DLC1: variants seen among roughly 807,000 people sequenced by gnomAD.
The protein encoded by DLC1 is rho GTPase-activating protein 7.
DLC1 carries 54 observed loss-of-function variants against 140.3 expected under a neutral mutation model. The ratio of observed to expected loss-of-function variants is 0.38; its 90% CI spans 0.31 to 0.48. The LOEUF (loss-of-function observed/expected upper bound fraction) is 0.48, where lower values mean the gene tolerates loss of function less well. Ranked by LOEUF, DLC1 falls within the 20% of genes least tolerant of loss-of-function variation. The probability of loss-of-function intolerance (pLI) is 0.96; values close to 1 mark genes in which losing one functional copy is unlikely to be tolerated. For synonymous variants in DLC1, 986 were observed against 728.1 expected (o/e 1.35, Z -5.70); for missense variants, 2,536 against 1,907.0 (o/e 1.33, Z -6.14).
intron 10 of DLC1, among the ~76,000 whole-genome samples, chr8:13,097,454 G>C (rs577395093): frequency 3.9e-5 from 6 of 152,052 alleles, no homozygotes; most frequent in Non-Finnish European, 7.4e-5. Flanking sequence ...AGTAGAGATG[G>C]GGTTTCGCCA....
intron 1 of DLC1, among the ~76,000 whole-genome samples, chr8:13,586,611 A>G (rs939883822): frequency 4.0e-5 from 6 of 151,674 alleles, no homozygotes; most frequent in African/African-American, 1.5e-4. Context: ...ACACACACAC[A>G]CACACACACA....
chr8:13,333,964 C>G (rs1586155406), intron 4 of DLC1, among the ~76,000 whole-genome samples: 1 of 152,170 alleles, frequency 6.6e-6, no homozygotes, highest in Non-Finnish European at 1.5e-5. Context: ...AGCCCCTTTG[C>G]TCATGAGGCT....
chr8:13,523,057 T>C (rs1802809808), intron 1 of DLC1, among the ~76,000 whole-genome samples: 1 of 152,218 alleles, frequency 6.6e-6, no homozygotes, highest in South Asian at 2.1e-4. Context: ...AAGTAAGCAG[T>C]TTCAATTTCA....
At chr8:13,381,458 T>A (rs1176271914) in intron 4 of DLC1, among the ~76,000 whole-genome samples, 1 of 152,170 alleles carries the variant, frequency 6.6e-6, no homozygotes, top group African/African-American at 2.4e-5. Flanking sequence ...TCACATTGAT[T>A]AGGATAGGTT....
rs759911909 is a variant in DLC1, at chr8:13,450,452, CAAAAAAAAAAA to C, written c.1023+48586_1023+48596del. 7.8e-3 allele frequency among the ~76,000 whole-genome samples: 419 copies of C among 53,378 alleles called. 1 individual carries two copies. The highest frequency in any genetic ancestry group is 0.031 in the African/African-American group (411 of 13,252). 35.0% of individuals were successfully genotyped at this position (53,378 alleles called of 152,430 possible). On this transcript the variant is annotated intron_variant, in intron 2 of 17. Coordinates refer to ENST00000276297, the MANE Select transcript of DLC1 (RefSeq NM_182643.3). The stretch of plus-strand genomic sequence containing the variant: ...CCTGGGCAACAGAGTGAGACTGTCT[CAAAAAAAAAAA>C]AAAAAAAAAAAAGGCCGAAGAGAAA...
At chr8:13,209,735 G>A (rs979637787) in intron 5 of DLC1, among the ~76,000 whole-genome samples, 8 of 152,034 alleles carry the variant, frequency 5.3e-5, no homozygotes, top group Admixed American at 2.6e-4. Flanking sequence ...CCTCCCTCCT[G>A]TCTCTCTTGC....
At chr8:13,422,030 TAGTAATTCTTTGGTTATCAATTGTATA>T (rs1464860953) in intron 2 of DLC1, among the ~76,000 whole-genome samples, 7 of 152,168 alleles carry the variant, frequency 4.6e-5, no homozygotes, top group African/African-American at 1.7e-4. Context: ...CCATCATGAA[TAGTAATTCTTTGGTTATCAATTGTATA>T]AGTACAAATA....
chr8:13,408,076 G>A (rs1837641230), intron 2 of DLC1, among the ~76,000 whole-genome samples: 1 of 151,990 alleles, frequency 6.6e-6, no homozygotes, highest in Admixed American at 6.6e-5. Context: ...AGAATTTCTA[G>A]GCAAGTTAAA....
At chr8:13,409,191 A>G (rs373894350) in intron 2 of DLC1, among the ~76,000 whole-genome samples, 3 of 152,126 alleles carry the variant, frequency 2.0e-5, no homozygotes, top group Non-Finnish European at 2.9e-5. Flanking sequence ...TTAATATTTT[A>G]TAGCTGCATT....
chr8:13,575,326 C>G (rs1346893073), intron 1 of DLC1, among the ~76,000 whole-genome samples: 1 of 151,966 alleles, frequency 6.6e-6, no homozygotes, highest in Non-Finnish European at 1.5e-5. Flanking sequence ...GGTTTATTTA[C>G]TTACGTAATG....
chr8:13,098,485 C>A lies in DLC1; in HGVS notation c.3081G>T (p.Gln1027His), dbSNP rs1156678537. 6.2e-7 allele frequency: 1 copy of A among 1,614,208 alleles called. No homozygotes were observed. The highest frequency in any genetic ancestry group is 1.7e-5 in the Admixed American group (1 of 60,034). ...SLQINCQSVA[Q>H]MNLLQKYSLL... ...GTGAGTATTTCTGCAGCAGGTTCAT[C>A]TGGGCCACAGACTGGCAGTTAATCT... Residue 1027 changes from glutamine (Q) to histidine (H), a missense_variant, in exon 10 of 18, where the codon CAG becomes CAT. Coordinates refer to ENST00000276297, the MANE Select transcript of DLC1 (RefSeq NM_182643.3).
At chr8:13,278,248 A>G (rs1831246094) in intron 5 of DLC1, among the ~76,000 whole-genome samples, 1 of 152,222 alleles carries the variant, frequency 6.6e-6, no homozygotes. Flanking sequence ...CCTCTATTAA[A>G]GATTTTCAGA....
intron 1 of DLC1, among the ~76,000 whole-genome samples, chr8:13,523,543 G>T (rs147953621): frequency 8.1e-4 from 123 of 152,266 alleles, no homozygotes; most frequent in African/African-American, 2.9e-3. Flanking sequence ...ATACATTTGG[G>T]AATCTCAAAC....
intron 1 of DLC1, among the ~76,000 whole-genome samples, chr8:13,600,282 G>T (rs1011383725): frequency 4.1e-4 from 62 of 151,908 alleles, no homozygotes; most frequent in African/African-American, 1.4e-3. Context: ...GGACTATATA[G>T]AATTCAACGA....
chr8:13,345,641 T>C (rs944001429), intron 4 of DLC1, among the ~76,000 whole-genome samples: 4 of 138,254 alleles, frequency 2.9e-5, no homozygotes, highest in African/African-American at 5.4e-5. Context: ...GCAACCTCTG[T>C]CTGCCTCCCG....
At chr8:13,145,699 G>T (rs1204497545) in intron 5 of DLC1, among the ~76,000 whole-genome samples, 1 of 152,156 alleles carries the variant, frequency 6.6e-6, no homozygotes, top group Non-Finnish European at 1.5e-5. Context: ...GAAAATAAAT[G>T]AGCATAGCTA....
At chr8:13,566,743 G>C (rs1038866390) in intron 1 of DLC1, 20 of 493,626 alleles carry the variant, frequency 4.1e-5, no homozygotes, top group South Asian at 7.9e-5. Context: ...TCGCCAACCC[G>C]GCGCAAGCAG....
chr8:13,483,210 C>T (rs955805038), intron 2 of DLC1, among the ~76,000 whole-genome samples: 12 of 152,248 alleles, frequency 7.9e-5, no homozygotes, highest in South Asian at 4.1e-4. Flanking sequence ...CTTGTAAGGA[C>T]GCTTGTCATT....
chr8:13,158,236 C>T (rs1479226743), intron 5 of DLC1, among the ~76,000 whole-genome samples: 1 of 152,184 alleles, frequency 6.6e-6, no homozygotes, highest in Non-Finnish European at 1.5e-5. Flanking sequence ...GTGTGTCTGA[C>T]TTTTGTTAAG....
Sources: gnomAD v4.1 joint callset for allele counts (sites outside exome capture counted in the v4.1 genomes callset) on GRCh38, gnomAD v4.1.1 for gene constraint, MANE v1.5 for transcripts, NCBI Gene and HGNC (gene_info 2026-07-23, HGNC 2026-07-21) for gene names.